Variants in C15orf39 observed in about 807,000 individuals in gnomAD.
C15orf39 encodes uncharacterized protein C15orf39.
A neutral mutation model predicts 53.9 loss-of-function variants in C15orf39; 24 were observed. That is an observed-to-expected ratio of 0.45 (90% confidence interval 0.32 to 0.63). The LOEUF is 0.63. C15orf39 is among the 20% of genes least tolerant of loss of function. The pLI, the probability that C15orf39 is intolerant of heterozygous loss-of-function variation, is 0.04. For synonymous variants in C15orf39, 569 were observed against 576.5 expected (o/e 0.99, Z 0.19); for missense variants, 1,271 against 1,347.9 (o/e 0.94, Z 0.89).
At position 75,207,049 on chromosome 15, in the gene C15orf39, A is replaced by G. The variant is rs752910401; in HGVS notation, c.1001A>G (p.Tyr334Cys). Residue 334 changes from tyrosine to cysteine, a missense_variant, in exon 2 of 3, where the codon TAC (tyrosine) becomes TGC (cysteine). Around this residue, in one of 2 missense-constraint regions of C15orf39, gnomAD observed 994 missense variants for 993.7 expected, o/e 1.00. Coordinates refer to ENST00000394987, the MANE Select transcript of C15orf39 (RefSeq NM_015492.5). ...AGGCAGCAGGCAGCCCAGGCACCTT[A>G]CATTCCCCCACTGGGGCTGGACGCT... ...YLRQQAAQAP[Y>C]IPPLGLDAYP... The G allele has an allele frequency of 9.3e-6, 15 of 1,608,934 alleles. No individual in the cohort carries two copies. In the African/African-American group the frequency reaches 1.2e-4, roughly 13 times the overall value.
rs1215153211 is a variant in C15orf39 at position 75,206,250 on chromosome 15, C to G, written c.202C>G (p.Pro68Ala). The G allele has an allele frequency of 6.2e-7, 1 of 1,613,944 alleles. No individual in the cohort carries two copies. Among genetic ancestry groups the G allele is most frequent in the African/African-American group, 1.3e-5 (1 of 74,906 alleles). Residue 68 changes from proline (P) to alanine (A), a missense_variant, in exon 2 of 3, where the codon CCA (proline) becomes GCA (alanine). This residue lies in a region of C15orf39 where 994 missense variants were observed against 993.7 expected (regional missense o/e 1.00). Coordinates refer to ENST00000394987, the MANE Select transcript of C15orf39 (RefSeq NM_015492.5). ...GTCTGAGCAGTTGGCGTCCTGGACCCCATACCCACCCTTGTACTCTACCGG... is the reference window on the plus strand; with the variant it reads ...GTCTGAGCAGTTGGCGTCCTGGACCGCATACCCACCCTTGTACTCTACCGG... ...AESEQLASWT[P>A]YPPLYSTGMA...
rs763041108 is a variant in C15orf39 at position 75,206,124 on chromosome 15, G to A, written c.76G>A (p.Gly26Arg). ...GCTGCCCCGCTTAGAGACAGACTCCGGGCTCGAGCACAGCCTGCCCCACTC... is the reference window on the plus strand; with the variant it reads ...GCTGCCCCGCTTAGAGACAGACTCCAGGCTCGAGCACAGCCTGCCCCACTC... The part of the protein sequence containing the change: ...GKLPRLETDS[G>R]LEHSLPHSVG... Residue 26 changes from glycine (G) to arginine (R), a missense_variant, in exon 2 of 3, where the codon GGG (glycine) becomes AGG (arginine). Physicochemically the swap from Gly to Arg is moderately radical, Grantham distance 125. Coordinates refer to ENST00000394987, the MANE Select transcript of C15orf39 (RefSeq NM_015492.5). 24 of 1,613,584 alleles carry A rather than the reference G, an allele frequency of 1.5e-5. No individual in the cohort carries two copies. In the East Asian group the frequency reaches 1.6e-4, roughly 10 times the overall value.
At chr15:75,204,614 T>TCAC (rs1400673610) in intron 1 of C15orf39, among the ~76,000 whole-genome samples, 5 of 152,346 alleles carry the variant, frequency 3.3e-5, no homozygotes, top group African/African-American at 9.6e-5. Context: ...TTCACGCAAT[T>TCAC]CTCCTGCCTC....
chr15:75,211,712 C>T lies in C15orf39; in HGVS notation c.*596C>T, dbSNP rs2070484629. 1 of 152,244 alleles carries T rather than the reference C, an allele frequency of 6.6e-6. No individual in the cohort carries two copies. Among genetic ancestry groups the T allele is most frequent in the Non-Finnish European group, 1.5e-5 (1 of 68,058 alleles). 9.4% of individuals were successfully genotyped at this position (152,244 alleles called of 1,614,324 possible). A position where few individuals can be genotyped will look rare whatever the true frequency, so the allele number is the denominator to read the frequency against. ...TTGGCCCTACTCCAGCCTGGAGCTCCCTGAGGGAGCCTGCACTCCCTGCTC... is the reference window on the plus strand; with the variant it reads ...TTGGCCCTACTCCAGCCTGGAGCTCTCTGAGGGAGCCTGCACTCCCTGCTC... On this transcript the variant is annotated 3_prime_UTR_variant, in exon 3 of 3. Coordinates refer to ENST00000394987, the MANE Select transcript of C15orf39 (RefSeq NM_015492.5).
At chr15:75,203,479 AG>A (rs1392214059) in intron 1 of C15orf39, among the ~76,000 whole-genome samples, 3 of 152,216 alleles carry the variant, frequency 2.0e-5, no homozygotes, top group Non-Finnish European at 2.9e-5. Context: ...CTCCCTTGAG[AG>A]AGTGTATCCT....
intron 1 of C15orf39, among the ~76,000 whole-genome samples, chr15:75,203,473 C>A (rs2141595459): frequency 6.6e-6 from 1 of 152,310 alleles, no homozygotes; most frequent in South Asian, 2.1e-4. Context: ...AGTCGTCTCC[C>A]TTGAGAGAGT....
chr15:75,210,613 G>T lies in C15orf39; in HGVS notation c.2777-136G>T. ...TTTTTGCTTGGATGGTCTGGCCAGTGGGCATGTGTGGGGAAGAGTTGTGAT... is the reference window on the plus strand; with the variant it reads ...TTTTTGCTTGGATGGTCTGGCCAGTTGGCATGTGTGGGGAAGAGTTGTGAT... On this transcript the variant is annotated intron_variant, in intron 2 of 2. Coordinates refer to ENST00000394987, the MANE Select transcript of C15orf39 (RefSeq NM_015492.5). The T allele has an allele frequency of 3.9e-6, 5 of 1,277,874 alleles. No individual in the cohort carries two copies. The South Asian group carries it at 7.5e-5, about 19-fold the overall frequency. 79.2% of individuals were successfully genotyped at this position (1,277,874 alleles called of 1,614,324 possible).
chr15:75,207,745 G>T lies in C15orf39; in HGVS notation c.1697G>T (p.Gly566Val), dbSNP rs2070451660. 6.2e-7 allele frequency: 1 copy of T among 1,607,428 alleles called. No homozygotes were observed. Among genetic ancestry groups the T allele is most frequent in the Non-Finnish European group, 8.5e-7 (1 of 1,176,834 alleles). ...CCCTCAGGGAGTAAACCCCTAAGGG[G>T]CTCACTTAAGGAGGAGGTAGCCCTG... ...EGPSGSKPLRGSLKEEVALDL... is the reference protein window; with the variant it reads ...EGPSGSKPLRVSLKEEVALDL... Residue 566 changes from glycine (G) to valine (V), a missense_variant, in exon 2 of 3, where the codon GGC becomes GTC. Coordinates refer to ENST00000394987, the MANE Select transcript of C15orf39 (RefSeq NM_015492.5).
rs149175372 is a variant in C15orf39, at chr15:75,211,058, G to A, written c.3086G>A (p.Arg1029Lys). The A allele has an allele frequency of 5.3e-3, 8,445 of 1,604,932 alleles. 98 individuals are homozygous for A. The highest frequency in any genetic ancestry group is 0.016 in the Middle Eastern group (99 of 6,054). The change falls in exon 3 of 3, where the codon AGA (arginine) becomes AAA (lysine). Residue 1029 changes from arginine to lysine, a missense_variant. This residue lies in a region of C15orf39 where 277 missense variants were observed against 354.1 expected (regional missense o/e 0.78). Transcript: ENST00000394987. Reference protein sequence around the residue: ...ALPTWGHKSSRPDQPSPCPQL... With the variant: ...ALPTWGHKSSKPDQPSPCPQL... ...CCCACCTGGGGCCACAAGTCCTCAA[G>A]ACCAGACCAGCCCTCACCCTGCCCA...
intron 2 of C15orf39, chr15:75,209,582 T>C (rs1056432546): frequency 6.6e-6 from 1 of 152,276 alleles, no homozygotes; most frequent in Admixed American, 6.5e-5. Context: ...TGCCGAAGTG[T>C]TGTGTGGCGT....
At position 75,211,199 on chromosome 15, in the gene C15orf39, G is replaced by T; in HGVS notation, c.*83G>T. On this transcript the variant is annotated 3_prime_UTR_variant, in exon 3 of 3. Coordinates refer to ENST00000394987, the MANE Select transcript of C15orf39 (RefSeq NM_015492.5). Reference sequence around the variant, plus strand: ...CCCAGCTGCCCCGGGGCCACGAGTGGATGCTGGGGCTGTGGCTGCTCCCCT... The same window carrying T: ...CCCAGCTGCCCCGGGGCCACGAGTGTATGCTGGGGCTGTGGCTGCTCCCCT... 1 of 1,504,374 alleles carries T rather than the reference G, an allele frequency of 6.6e-7. No individual in the cohort carries two copies. The highest frequency in any genetic ancestry group is 1.4e-5 in the African/African-American group (1 of 72,396). The allele number at this position is 1,504,374 out of a possible 1,614,324, so 93.2% of individuals were successfully genotyped here. A position where few individuals can be genotyped will look rare whatever the true frequency, so the allele number is the denominator to read the frequency against.
rs2070481666 is a variant in C15orf39 at position 75,211,284 on chromosome 15, T to C, written c.*168T>C. On this transcript the variant is annotated 3_prime_UTR_variant, in exon 3 of 3. Transcript: ENST00000394987. The stretch of plus-strand genomic sequence containing the variant: ...AGGGTGGGCTGAAGAGCCCCTGAGC[T>C]TTTAACGTGAGGGTCTTTATTGGAT... 2 of 860,980 alleles carry C rather than the reference T, an allele frequency of 2.3e-6. No individual in the cohort carries two copies. The highest frequency in any genetic ancestry group is 3.4e-6 in the Non-Finnish European group (2 of 584,762). 53.3% of individuals were successfully genotyped at this position (860,980 alleles called of 1,614,324 possible).
chr15:75,210,584 A>T (rs1051842561), intron 2 of C15orf39, among the ~76,000 whole-genome samples, 165 bp from the exon 3 acceptor site: 1 of 152,176 alleles, frequency 6.6e-6, no homozygotes, highest in Admixed American at 6.5e-5. Flanking sequence ...GGAGAAGCAC[A>T]TCTTTTTTGC....
Position 75,211,207 on chromosome 15 carries a change from G to C in C15orf39, c.*91G>C. 6.7e-7 allele frequency: 1 copy of C among 1,488,400 alleles called. No homozygotes were observed. Among genetic ancestry groups the C allele is most frequent in the Non-Finnish European group, 8.9e-7 (1 of 1,119,082 alleles). The allele number at this position is 1,488,400 out of a possible 1,614,324, so 92.2% of individuals were successfully genotyped here. On this transcript the variant is annotated 3_prime_UTR_variant, in exon 3 of 3. Coordinates refer to ENST00000394987, the MANE Select transcript of C15orf39 (RefSeq NM_015492.5). ...CCCCGGGGCCACGAGTGGATGCTGG[G>C]GCTGTGGCTGCTCCCCTGGAGGGGT...
At chr15:75,205,965 C>G (rs2141597407) in intron 1 of C15orf39, 34 bp from the exon 2 acceptor site, 1 of 1,383,636 alleles carries the variant, frequency 7.2e-7, no homozygotes, top group Non-Finnish European at 9.6e-7. Flanking sequence ...AGCCTGTTTT[C>G]CTGACAGCCC....
Position 75,206,466 on chromosome 15 carries a change from T to C in C15orf39, c.418T>C (p.Tyr140His). 6.2e-7 allele frequency: 1 copy of C among 1,614,070 alleles called. No individual in the cohort carries two copies. Residue 140 changes from tyrosine to histidine, a missense_variant, in exon 2 of 3, where the codon TAT becomes CAT. Transcript: ENST00000394987. Reference protein sequence around the residue: ...PKPVYRNPLCYGLSTCLGEGA... With the variant: ...PKPVYRNPLCHGLSTCLGEGA... Reference sequence around the variant, plus strand: ...ACCTGTCTACCGCAACCCTCTGTGCTATGGGCTCTCAACTTGTCTGGGGGA... The same window carrying C: ...ACCTGTCTACCGCAACCCTCTGTGCCATGGGCTCTCAACTTGTCTGGGGGA...
In C15orf39 at chr15:75,212,155, G is replaced by A. The variant is rs1160745104; in HGVS notation, c.*1039G>A. The A allele has an allele frequency of 6.6e-6, 1 of 152,328 alleles. No individual in the cohort carries two copies. Among genetic ancestry groups the A allele is most frequent in the Non-Finnish European group, 1.5e-5 (1 of 68,128 alleles). The allele number at this position is 152,328 out of a possible 1,614,324, so 9.4% of individuals were successfully genotyped here. ...CTGGAGGCAGCCCATTAAAGCATCT[G>A]GCTCGTTTTTGGAAGTGGGGCCTGT... On this transcript the variant is annotated 3_prime_UTR_variant, in exon 3 of 3. Transcript: ENST00000394987.
Position 75,211,069 on chromosome 15 carries a change from C to G in C15orf39, c.3097C>G (p.Pro1033Ala). ...CCACAAGTCCTCAAGACCAGACCAG[C>G]CCTCACCCTGCCCACAGCTGCTGGA... is the stretch of plus-strand genomic sequence containing the variant. The part of the protein sequence containing the change: ...WGHKSSRPDQ[P>A]SPCPQLLDSQ... Residue 1033 changes from proline to alanine, a missense_variant, in exon 3 of 3, where the codon CCC becomes GCC. Physicochemically the swap from Pro to Ala is conservative, Grantham distance 27. This residue lies in a region of C15orf39 where 277 missense variants were observed against 354.1 expected (regional missense o/e 0.78). Coordinates refer to ENST00000394987, the MANE Select transcript of C15orf39 (RefSeq NM_015492.5). 6.2e-7 allele frequency: 1 copy of G among 1,603,084 alleles called. No homozygotes were observed. Among genetic ancestry groups the G allele is most frequent in the Non-Finnish European group, 8.5e-7 (1 of 1,179,878 alleles).
rs894928402 is a variant in C15orf39 at position 75,211,230 on chromosome 15, G to C, written c.*114G>C. 40 of 1,414,182 alleles carry C rather than the reference G, an allele frequency of 2.8e-5. No homozygotes were observed. In the African/African-American group the frequency reaches 5.5e-4, roughly 19 times the overall value. 87.6% of individuals were successfully genotyped at this position (1,414,182 alleles called of 1,614,324 possible). A position where few individuals can be genotyped will look rare whatever the true frequency, so the allele number is the denominator to read the frequency against. ...GGGGCTGTGGCTGCTCCCCTGGAGG[G>C]GTTCCATCTCTGACCCTGTGGCCCA... On this transcript the variant is annotated 3_prime_UTR_variant, in exon 3 of 3. Coordinates refer to ENST00000394987, the MANE Select transcript of C15orf39 (RefSeq NM_015492.5).
Sources: gnomAD v4.1 joint callset for allele counts (sites outside exome capture counted in the v4.1 genomes callset) on GRCh38, gnomAD v4.1.1 for gene constraint, gnomAD v4.1.1 regional missense constraint, MANE v1.5 for transcripts, NCBI Gene and HGNC (gene_info 2026-07-23, HGNC 2026-07-21) for gene names.